Variants in LRMDA observed in about 807,000 individuals in gnomAD.
The protein encoded by LRMDA is leucine rich melanocyte differentiation associated, also known as leucine-rich melanocyte differentiation-associated protein.
In LRMDA, 18 loss-of-function variants were observed where a neutral mutation model predicts 29.8. The observed-to-expected ratio is 0.60, with a 90% CI of 0.42 to 0.90. The LOEUF is 0.90. LRMDA is among the 40% of genes least tolerant of loss of function. The pLI, the probability that LRMDA is intolerant of heterozygous loss-of-function variation, is 0.00. For synonymous variants in LRMDA, 125 were observed against 109.4 expected (o/e 1.14, Z -0.89); for missense variants, 273 against 273.9 (o/e 1.00, Z 0.02).
intron 2 of LRMDA, among the ~76,000 whole-genome samples, chr10:75,628,389 A>G (rs1181632729): frequency 6.6e-6 from 1 of 152,226 alleles, no homozygotes; most frequent in Non-Finnish European, 1.5e-5. Context: ...TAGAAAAGAT[A>G]ATAAGATTTC....
chr10:75,447,425 C>T (rs1564773402), intron 2 of LRMDA, among the ~76,000 whole-genome samples: 1 of 152,082 alleles, frequency 6.6e-6, no homozygotes, highest in Non-Finnish European at 1.5e-5. Context: ...ACTCAGGAGG[C>T]TGAGGCAGGA....
intron 2 of LRMDA, among the ~76,000 whole-genome samples, chr10:75,722,393 C>G (rs966711527): frequency 6.6e-6 from 1 of 152,110 alleles, no homozygotes; most frequent in Admixed American, 6.6e-5. Context: ...GATTGTAAAT[C>G]AATAAAACTA....
At chr10:76,028,344 T>C (rs1452447735) in intron 2 of LRMDA, among the ~76,000 whole-genome samples, 1 of 152,204 alleles carries the variant, frequency 6.6e-6, no homozygotes, top group East Asian at 1.9e-4. Context: ...AAAAGCTCTT[T>C]CCATGTTAAG....
In LRMDA at chr10:76,175,657, G is replaced by A. The variant is rs11001668; in HGVS notation, c.516+116874G>A. On this transcript the variant is annotated intron_variant, in intron 5 of 6. Coordinates refer to ENST00000611255, the MANE Select transcript of LRMDA (RefSeq NM_001305581.2). ...CAGCCTCCAGATTTTATTTGGCTCC[G>A]TTGAAAGCAGACCTGCCTGGCCCTG... 5.7e-3 allele frequency among the ~76,000 whole-genome samples: 861 copies of A among 152,276 alleles called. 8 individuals are homozygous for A. The highest frequency in any genetic ancestry group is 0.019 in the African/African-American group (789 of 41,564).
At chr10:76,238,836 A>G (rs1346486243) in intron 5 of LRMDA, among the ~76,000 whole-genome samples, 1 of 151,932 alleles carries the variant, frequency 6.6e-6, no homozygotes, top group Non-Finnish European at 1.5e-5. Context: ...CATAAAGAAG[A>G]GTGTGTGATG....
At chr10:76,281,483 C>T (rs1023979810) in intron 5 of LRMDA, among the ~76,000 whole-genome samples, 22 of 152,214 alleles carry the variant, frequency 1.4e-4, no homozygotes, top group African/African-American at 5.1e-4. Context: ...ATAGGTGGCT[C>T]ATTGAGTAAA....
intron 6 of LRMDA, among the ~76,000 whole-genome samples, chr10:76,404,136 A>T (rs1841878174): frequency 6.6e-6 from 1 of 152,166 alleles, no homozygotes; most frequent in Non-Finnish European, 1.5e-5. Context: ...GGAAGAGAAA[A>T]TGGAAAACTA....
intron 2 of LRMDA, among the ~76,000 whole-genome samples, chr10:75,596,037 A>C (rs1171122322): frequency 6.6e-6 from 1 of 152,074 alleles, no homozygotes; most frequent in Admixed American, 6.6e-5. Flanking sequence ...CTAGTGTTGT[A>C]TGTTTGTTTG....
At chr10:75,969,648 G>A (rs1438808594) in intron 2 of LRMDA, among the ~76,000 whole-genome samples, 1 of 152,158 alleles carries the variant, frequency 6.6e-6, no homozygotes, top group African/African-American at 2.4e-5. Flanking sequence ...ACCTTTAGAA[G>A]CATCAGCCCA....
At chr10:76,479,361 C>T (rs958071014) in intron 6 of LRMDA, among the ~76,000 whole-genome samples, 4 of 151,910 alleles carry the variant, frequency 2.6e-5, no homozygotes, top group Non-Finnish European at 5.9e-5. Flanking sequence ...AAGCCAGCTT[C>T]ATGGTGTGTA....
In LRMDA at chr10:75,824,874, G is replaced by A. The variant is rs1044249423; in HGVS notation, c.132-211134G>A. On this transcript the variant is annotated intron_variant, in intron 2 of 6. Coordinates refer to ENST00000611255, the MANE Select transcript of LRMDA (RefSeq NM_001305581.2). ...TGGAGACACAGAGTAAGGGCTGAAA[G>A]GTAGGGACAAACATATGGACTGACT... is the stretch of plus-strand genomic sequence containing the variant. Among the ~76,000 whole-genome samples the A allele has an allele frequency of 2.6e-5, 4 of 152,304 alleles. No individual in the cohort carries two copies. In the South Asian group the frequency reaches 8.3e-4, roughly 32 times the overall value.
chr10:76,303,729 T>C (rs1394562291), intron 5 of LRMDA, among the ~76,000 whole-genome samples: 1 of 144,616 alleles, frequency 6.9e-6, no homozygotes, highest in Non-Finnish European at 1.5e-5. Context: ...TTTTTTTTTT[T>C]GGTGATCAGT....
At chr10:76,422,075 A>T (rs1176473829) in intron 6 of LRMDA, among the ~76,000 whole-genome samples, 1 of 152,044 alleles carries the variant, frequency 6.6e-6, no homozygotes, top group Non-Finnish European at 1.5e-5. Flanking sequence ...GTAGTTTTTC[A>T]GGGTCCTCGC....
intron 2 of LRMDA, among the ~76,000 whole-genome samples, chr10:75,948,088 A>G (rs1846507886): frequency 6.6e-6 from 1 of 152,236 alleles, no homozygotes; most frequent in African/African-American, 2.4e-5. Context: ...ATAATCCAGT[A>G]GAGACCTCCC....
chr10:76,476,127 G>A (rs1181755819), intron 6 of LRMDA, among the ~76,000 whole-genome samples: 1 of 151,992 alleles, frequency 6.6e-6, no homozygotes, highest in African/African-American at 2.4e-5. Context: ...TTTTTGAAAA[G>A]ATCAACAAAA....
At chr10:75,560,938 G>C (rs1840285901) in intron 2 of LRMDA, among the ~76,000 whole-genome samples, 2 of 151,688 alleles carry the variant, frequency 1.3e-5, no homozygotes, top group African/African-American at 4.8e-5. Flanking sequence ...TGGTTTGCCA[G>C]TATTTTATTG....
intron 2 of LRMDA, among the ~76,000 whole-genome samples, chr10:75,899,824 A>G (rs570152211): frequency 2.6e-5 from 4 of 152,192 alleles, no homozygotes; most frequent in African/African-American, 9.6e-5. Flanking sequence ...TTCCTCTCCA[A>G]TGTGTTCAAC....
intron 2 of LRMDA, among the ~76,000 whole-genome samples, chr10:75,538,172 T>A (rs1448091974): frequency 1.3e-5 from 2 of 152,198 alleles, no homozygotes; most frequent in Non-Finnish European, 2.9e-5. Context: ...AAGCAGATAC[T>A]GATGAGGCCG....
chr10:75,438,250 A>C, intron 1 of LRMDA, 144 bp from the exon 2 acceptor site: 2 of 680,122 alleles, frequency 2.9e-6, no homozygotes, highest in South Asian at 3.6e-5. Context: ...TTGATCAGGG[A>C]AACAGTCACA....
Sources: gnomAD v4.1 joint callset for allele counts (sites outside exome capture counted in the v4.1 genomes callset) on GRCh38, gnomAD v4.1.1 for gene constraint, MANE v1.5 for transcripts, NCBI Gene and HGNC (gene_info 2026-07-23, HGNC 2026-07-21) for gene names.